Variants in PACS2 observed in about 807,000 individuals in gnomAD.
The protein encoded by PACS2 is PACS1-like protein.
PACS2 carries 36 observed loss-of-function variants against 113.0 expected under a neutral mutation model. The observed-to-expected ratio is 0.32, with a 90% CI of 0.24 to 0.42. The LOEUF is 0.42. PACS2 is among the 10% of genes least tolerant of loss of function. PACS2 has a pLI of 1.00. For missense variants in PACS2, 1,015 were observed against 1,239.5 expected (o/e 0.82, Z 2.72); for synonymous variants, 589 against 536.1 (o/e 1.10, Z -1.36).
At chr14:105,339,221 G>A (rs1374291417) in intron 1 of PACS2, among the ~76,000 whole-genome samples, 4 of 152,200 alleles carry the variant, frequency 2.6e-5, no homozygotes, top group Admixed American at 1.3e-4. Flanking sequence ...AAAAAGACTA[G>A]CAGGGTTGGG....
intron 1 of PACS2, among the ~76,000 whole-genome samples, chr14:105,337,492 C>A (rs1335438143): frequency 1.3e-5 from 2 of 152,202 alleles, no homozygotes; most frequent in Non-Finnish European, 2.9e-5. Context: ...AGCTGTTCTC[C>A]AAAATAAGGC....
chr14:105,322,345 A>G lies in PACS2; in HGVS notation c.119+7308A>G, dbSNP rs587632463. ...AGTGGCGCAATCTTGGCTCACTGCA[A>G]CCTCCACCTCCCAGGTCAAGTGATT... On this transcript the variant is annotated intron_variant, in intron 1 of 24. Coordinates refer to ENST00000447393, the MANE Select transcript of PACS2 (RefSeq NM_001100913.3). Among the ~76,000 whole-genome samples, 9 of 151,230 alleles carry G rather than the reference A, an allele frequency of 6.0e-5. No individual in the cohort carries two copies. The East Asian group carries it at 1.4e-3, about 23-fold the overall frequency.
rs1044466533 is a variant in PACS2 at position 105,315,382 on chromosome 14, G to C, written c.119+345G>C. ...AATGCGGTGCCGGCCGGGGTGACGA[G>C]GGTGCTTCCTCTCTCGGGTACCACA... On this transcript the variant is annotated intron_variant, in intron 1 of 24. Transcript: ENST00000447393. This position sits in a 1 kb window ranked among gnomAD's most constrained non-coding sequence, Gnocchi z 4.4. 1 of 152,362 alleles carries C rather than the reference G, an allele frequency of 6.6e-6. No individual in the cohort carries two copies. The highest frequency in any genetic ancestry group is 1.5e-5 in the Non-Finnish European group (1 of 68,146). The allele number at this position is 152,362 out of a possible 1,614,324, so 9.4% of individuals were successfully genotyped here. A position where few individuals can be genotyped will look rare whatever the true frequency, so the allele number is the denominator to read the frequency against.
rs1044131127 is a variant in PACS2 at position 105,324,735 on chromosome 14, TG to T, written c.119+9704del. 6.6e-6 allele frequency among the ~76,000 whole-genome samples: 1 copy of T among 152,000 alleles called. No homozygotes were observed. Among genetic ancestry groups the T allele is most frequent in the Non-Finnish European group, 1.5e-5 (1 of 67,948 alleles). ...GTGGCGCCCCGTCTCACCCCACGGA[TG>T]GGGGGCAGGCTCTCCAGGAGCCCCA... On this transcript the variant is annotated intron_variant, in intron 1 of 24. Transcript: ENST00000447393. The surrounding 1 kb of genome is among the most constrained non-coding windows in gnomAD (Gnocchi z 4.7).
At chr14:105,336,995 G>A (rs115688751) in intron 1 of PACS2, among the ~76,000 whole-genome samples, 187 of 152,286 alleles carry the variant, frequency 1.2e-3, no homozygotes, top group African/African-American at 4.4e-3. Context: ...ATCCATCCTC[G>A]GACAAACAAG....
chr14:105,362,223 C>CT (rs2060725856), intron 4 of PACS2, among the ~76,000 whole-genome samples: 1 of 150,672 alleles, frequency 6.6e-6, no homozygotes, highest in Non-Finnish European at 1.5e-5. Flanking sequence ...TCAAGACCAT[C>CT]CTGGCTAACA....
rs1355868875 is a variant in PACS2, at chr14:105,358,779, C to T, written c.423+3602C>T. ...CCCAAGGGGACCTGTGAGGGGCGGG[C>T]GGCTCATGGTGGGACACAGGAAGAC... On this transcript the variant is annotated intron_variant, in intron 4 of 24. Coordinates refer to ENST00000447393, the MANE Select transcript of PACS2 (RefSeq NM_001100913.3). This position sits in a 1 kb window ranked among gnomAD's most constrained non-coding sequence, Gnocchi z 4.9. 1.3e-5 allele frequency among the ~76,000 whole-genome samples: 2 copies of T among 152,150 alleles called. No individual in the cohort carries two copies. The highest frequency in any genetic ancestry group is 2.9e-5 in the Non-Finnish European group (2 of 68,014).
In PACS2 at chr14:105,358,299, C is replaced by T. The variant is rs2060533216; in HGVS notation, c.423+3122C>T. Among the ~76,000 whole-genome samples, 1 of 152,218 alleles carries T rather than the reference C, an allele frequency of 6.6e-6. No individual in the cohort carries two copies. The highest frequency in any genetic ancestry group is 2.1e-4 in the South Asian group (1 of 4,832). On this transcript the variant is annotated intron_variant, in intron 4 of 24. Coordinates refer to ENST00000447393, the MANE Select transcript of PACS2 (RefSeq NM_001100913.3). This position sits in a 1 kb window ranked among gnomAD's most constrained non-coding sequence, Gnocchi z 4.9. ...GCTGACCAGCAGTTCTGGCTGGGACCATCAGGAGTGACCGCAGCCCCAGGG... is the reference window on the plus strand; with the variant it reads ...GCTGACCAGCAGTTCTGGCTGGGACTATCAGGAGTGACCGCAGCCCCAGGG...
rs587630547 is a variant in PACS2 at position 105,317,137 on chromosome 14, C to G, written c.119+2100C>G. Among the ~76,000 whole-genome samples the G allele has an allele frequency of 6.6e-6, 1 of 152,348 alleles. No individual in the cohort carries two copies. Among genetic ancestry groups the G allele is most frequent in the Admixed American group, 6.5e-5 (1 of 15,304 alleles). On this transcript the variant is annotated intron_variant, in intron 1 of 24. Coordinates refer to ENST00000447393, the MANE Select transcript of PACS2 (RefSeq NM_001100913.3). This position sits in a 1 kb window ranked among gnomAD's most constrained non-coding sequence, Gnocchi z 4.2. ...TCCTCACTTTTGCCCAGCCATGAAG[C>G]TTCTGGGCTGCGTGTGTGCTGATGC...
intron 2 of PACS2, among the ~76,000 whole-genome samples, chr14:105,349,330 A>G (rs2060066035): frequency 6.6e-6 from 1 of 152,204 alleles, no homozygotes. Context: ...TGTCCTCAGC[A>G]TACAGGAGTG....
chr14:105,309,659 T>TGCCTGCGCC (rs1357275129), upstream of PACS2, among the ~76,000 whole-genome samples: 3 of 152,028 alleles, frequency 2.0e-5, no homozygotes, highest in Non-Finnish European at 4.4e-5. This position sits in a 1 kb window ranked among gnomAD's most constrained non-coding sequence, Gnocchi z 4.0. Flanking sequence ...GGAGCTGCGC[T>TGCCTGCGCC]GCCTGCGCCC....
rs587741972 is a variant in PACS2 at position 105,366,870 on chromosome 14, G to A, written c.424-343G>A. On this transcript the variant is annotated intron_variant, in intron 4 of 24. Coordinates refer to ENST00000447393, the MANE Select transcript of PACS2 (RefSeq NM_001100913.3). This position sits in a 1 kb window ranked among gnomAD's most constrained non-coding sequence, Gnocchi z 4.3. The stretch of plus-strand genomic sequence containing the variant: ...AGTCGTGCCTGAGATCAGGAGGGCC[G>A]CGGACACCCCTGTCTGTCCATCTCA... Among the ~76,000 whole-genome samples, 5 of 152,294 alleles carry A rather than the reference G, an allele frequency of 3.3e-5. No individual in the cohort carries two copies. The highest frequency in any genetic ancestry group is 9.6e-5 in the African/African-American group (4 of 41,562).
intron 11 of PACS2, 45 bp downstream of exon 11, chr14:105,380,199 C>T: frequency 2.0e-6 from 3 of 1,472,124 alleles, no homozygotes; most frequent in Non-Finnish European, 2.8e-6. Context: ...ACATCAGGCA[C>T]ACCAATGCTG....
rs2060141041 is a variant in PACS2, at chr14:105,350,768, A to AT, written c.208-1609dup. Among the ~76,000 whole-genome samples, 5 of 152,300 alleles carry AT rather than the reference A, an allele frequency of 3.3e-5. No homozygotes were observed. In the South Asian group the frequency reaches 1.0e-3, roughly 32 times the overall value. Reference sequence around the variant, plus strand: ...TCCCTGCAGGTCCTCTGAGGGGGGAATGCTAAGAGGGACCCGACGCAGAGC... The same window carrying AT: ...TCCCTGCAGGTCCTCTGAGGGGGGAATTGCTAAGAGGGACCCGACGCAGAGC... On this transcript the variant is annotated intron_variant, in intron 2 of 24. Coordinates refer to ENST00000447393, the MANE Select transcript of PACS2 (RefSeq NM_001100913.3).
intron 1 of PACS2, among the ~76,000 whole-genome samples, chr14:105,305,817 C>T (rs2058170385): frequency 6.6e-6 from 1 of 152,262 alleles, no homozygotes; most frequent in South Asian, 2.1e-4. Context: ...GCCCTCAGAG[C>T]ACCCACACTG....
rs2058985517 is a variant in PACS2, at chr14:105,323,770, G to A, written c.119+8733G>A. ...ATCCAGGGAAGATGGGCTGCTCTGA[G>A]GGAGGGGCTGAGGAAGCTGACCTGG... is the stretch of plus-strand genomic sequence containing the variant. On this transcript the variant is annotated intron_variant, in intron 1 of 24. Coordinates refer to ENST00000447393, the MANE Select transcript of PACS2 (RefSeq NM_001100913.3). The surrounding 1 kb of genome is among the most constrained non-coding windows in gnomAD (Gnocchi z 4.1). Among the ~76,000 whole-genome samples, 1 of 152,218 alleles carries A rather than the reference G, an allele frequency of 6.6e-6. No homozygotes were observed. Among genetic ancestry groups the A allele is most frequent in the Admixed American group, 6.5e-5 (1 of 15,282 alleles).
At position 105,382,856 on chromosome 14, in the gene PACS2, G is replaced by C; in HGVS notation, c.1568G>C (p.Cys523Ser). ...CACACGCTCCCCGTGGTGTGCACGTGCTCTCCTGCGGACGTCCAGGCGGCC... is the reference window on the plus strand; with the variant it reads ...CACACGCTCCCCGTGGTGTGCACGTCCTCTCCTGCGGACGTCCAGGCGGCC... Reference protein sequence around the residue: ...QRHTLPVVCTCSPADVQAAFS... With the variant: ...QRHTLPVVCTSSPADVQAAFS... The change falls in exon 15 of 25, where the codon TGC becomes TCC. Residue 523 changes from cysteine to serine, a missense_variant. Around this residue, in one of 3 missense-constraint regions of PACS2, gnomAD observed 859 missense variants for 1,056.8 expected, o/e 0.81. Transcript: ENST00000447393. 3 of 1,607,470 alleles carry C rather than the reference G, an allele frequency of 1.9e-6. No homozygotes were observed. Among genetic ancestry groups the C allele is most frequent in the Non-Finnish European group, 2.5e-6 (3 of 1,179,526 alleles).
chr14:105,370,898 G>C (rs1566950025), intron 8 of PACS2: 2 of 152,244 alleles, frequency 1.3e-5, no homozygotes, highest in Non-Finnish European at 2.9e-5. Flanking sequence ...AACGTGCCTG[G>C]GTTCAGGACC....
At chr14:105,336,881 C>T (rs962239348) in intron 1 of PACS2, among the ~76,000 whole-genome samples, 3 of 152,196 alleles carry the variant, frequency 2.0e-5, no homozygotes, top group Admixed American at 6.5e-5. Flanking sequence ...AGTTGCACTT[C>T]TCAGTAGAAC....
Sources: gnomAD v4.1 joint callset for allele counts (sites outside exome capture counted in the v4.1 genomes callset) on GRCh38, gnomAD v4.1.1 for gene constraint, gnomAD v4.1.1 regional missense constraint, Gnocchi (gnomAD v3.1) non-coding constraint, MANE v1.5 for transcripts, NCBI Gene and HGNC (gene_info 2026-07-23, HGNC 2026-07-21) for gene names.